ARHGAP24: variants seen among roughly 807,000 people sequenced by gnomAD.
ARHGAP24 encodes rho GTPase-activating protein 24.
ARHGAP24 carries 50 observed loss-of-function variants against 76.4 expected under a neutral mutation model. That is an observed-to-expected ratio of 0.65 (90% CI 0.52 to 0.83). The LOEUF is 0.83. Among genes scored for constraint, ARHGAP24 ranks in the 40% least tolerant of loss-of-function variants. The pLI is 0.00. For synonymous variants in ARHGAP24, 345 were observed against 323.3 expected (o/e 1.07, Z -0.72); for missense variants, 930 against 914.2 (o/e 1.02, Z -0.22).
intron 2 of ARHGAP24, among the ~76,000 whole-genome samples, chr4:85,612,670 T>A (rs953446985): frequency 5.3e-5 from 8 of 151,922 alleles, no homozygotes; most frequent in African/African-American, 1.9e-4. Context: ...AGGATACCCA[T>A]ATACCCACCA....
intron 2 of ARHGAP24, among the ~76,000 whole-genome samples, chr4:85,634,255 T>C (rs776352930): frequency 2.0e-5 from 3 of 151,926 alleles, no homozygotes; most frequent in Non-Finnish European, 4.4e-5. Context: ...TAATATTCCA[T>C]AGAATTCCTC....
At chr4:85,598,001 C>G (rs1310153624) in intron 2 of ARHGAP24, among the ~76,000 whole-genome samples, 1 of 152,034 alleles carries the variant, frequency 6.6e-6, no homozygotes, top group African/African-American at 2.4e-5. Flanking sequence ...TCAAATGCAC[C>G]TTTCATCCTT....
At chr4:85,720,337 A>G (rs935239472) in intron 2 of ARHGAP24, among the ~76,000 whole-genome samples, 4 of 152,202 alleles carry the variant, frequency 2.6e-5, no homozygotes, top group Admixed American at 6.5e-5. Context: ...GAAAAATTTC[A>G]GACAAGAGAT....
At chr4:85,704,165 T>A (rs1464365096) in intron 2 of ARHGAP24, among the ~76,000 whole-genome samples, 2 of 152,238 alleles carry the variant, frequency 1.3e-5, no homozygotes, top group Admixed American at 6.5e-5. Flanking sequence ...TATACAGTTT[T>A]TTTTTGTCCA....
At chr4:85,668,626 C>G (rs1445278402) in intron 2 of ARHGAP24, among the ~76,000 whole-genome samples, 1 of 152,170 alleles carries the variant, frequency 6.6e-6, no homozygotes, top group Non-Finnish European at 1.5e-5. Flanking sequence ...GAAGATGTGA[C>G]TGTCCTTGCA....
chr4:85,649,849 T>G (rs1013357770), intron 2 of ARHGAP24, among the ~76,000 whole-genome samples: 1 of 152,166 alleles, frequency 6.6e-6, no homozygotes, highest in African/African-American at 2.4e-5. Flanking sequence ...ATAATGATCT[T>G]GTATTTTTTG....
chr4:85,721,769 A>ATGCATCTT, intron 2 of ARHGAP24, 116 bp from the exon 3 acceptor site: 1 of 839,076 alleles, frequency 1.2e-6, no homozygotes, highest in Non-Finnish European at 2.0e-6. Context: ...AAAGATTCTG[A>ATGCATCTT]TGCATCTTAC....
At chr4:85,799,142 G>A (rs975171258) in intron 3 of ARHGAP24, among the ~76,000 whole-genome samples, 8 of 152,122 alleles carry the variant, frequency 5.3e-5, no homozygotes, top group African/African-American at 1.9e-4. Flanking sequence ...GAGAGAGGCT[G>A]CAAAGTGTGA....
intron 3 of ARHGAP24, among the ~76,000 whole-genome samples, chr4:85,836,870 A>C (rs75422524): frequency 0.01 from 1,548 of 152,300 alleles, 10 homozygotes; most frequent in Middle Eastern, 0.031. Flanking sequence ...CCTGCATCAG[A>C]ATCTGCATTT....
chr4:85,547,720 G>T (rs1725974220), intron 1 of ARHGAP24, among the ~76,000 whole-genome samples: 1 of 152,180 alleles, frequency 6.6e-6, no homozygotes, highest in Non-Finnish European at 1.5e-5. Flanking sequence ...ACAGGCTTGA[G>T]CCACTGTGCC....
chr4:85,518,068 A>G (rs775375610), intron 1 of ARHGAP24, among the ~76,000 whole-genome samples: 1 of 152,176 alleles, frequency 6.6e-6, no homozygotes, highest in Non-Finnish European at 1.5e-5. Context: ...CATTGAAGTT[A>G]GGACAAACAA....
At chr4:85,938,846 C>T (rs1318281765) in intron 4 of ARHGAP24, among the ~76,000 whole-genome samples, 4 of 151,206 alleles carry the variant, frequency 2.6e-5, no homozygotes, top group African/African-American at 7.3e-5. Flanking sequence ...TTTTTCTGAC[C>T]TCCCCCAATT....
At chr4:85,965,420 G>A (rs1560750999) in intron 5 of ARHGAP24, among the ~76,000 whole-genome samples, 3 of 152,110 alleles carry the variant, frequency 2.0e-5, no homozygotes, top group Admixed American at 6.5e-5. Flanking sequence ...TGGGGACACA[G>A]AGCCAAATCA....
chr4:85,854,627 G>A (rs949550129), intron 3 of ARHGAP24, among the ~76,000 whole-genome samples: 3 of 151,792 alleles, frequency 2.0e-5, no homozygotes, highest in Admixed American at 1.3e-4. Context: ...TTTTTCTTTA[G>A]CGTGGAAAGC....
At chr4:85,478,976 G>A (rs1722708118) in intron 1 of ARHGAP24, among the ~76,000 whole-genome samples, 2 of 152,192 alleles carry the variant, frequency 1.3e-5, no homozygotes, top group Admixed American at 6.5e-5. Flanking sequence ...GGTGGTGGGG[G>A]AGCCACCTGA....
At chr4:85,534,292 A>G (rs1725379982) in intron 1 of ARHGAP24, among the ~76,000 whole-genome samples, 1 of 96,452 alleles carries the variant, frequency 1.0e-5, no homozygotes, top group Admixed American at 9.9e-5. Flanking sequence ...TGTTCCTTTG[A>G]CACTTGATCC....
intron 3 of ARHGAP24, among the ~76,000 whole-genome samples, chr4:85,840,576 C>A (rs1560664203): frequency 1.3e-5 from 2 of 152,106 alleles, no homozygotes; most frequent in Non-Finnish European, 2.9e-5. Flanking sequence ...GCTGTGGATC[C>A]AGGGTTTTGC....
At chr4:85,655,792 T>TATATATATAGAG (rs1553920518) in intron 2 of ARHGAP24, among the ~76,000 whole-genome samples, 2 of 37,702 alleles carry the variant, frequency 5.3e-5, no homozygotes, top group Non-Finnish European at 8.2e-5. Flanking sequence ...TATATATATA[T>TATATATATAGAG]AGAGAGAGAG....
intron 1 of ARHGAP24, among the ~76,000 whole-genome samples, chr4:85,562,279 T>C (rs935369278): frequency 2.0e-5 from 3 of 152,194 alleles, no homozygotes; most frequent in Non-Finnish European, 4.4e-5. Flanking sequence ...AAGGCTATGA[T>C]AGTAATCAAG....
Sources: allele counts gnomAD v4.1 joint callset (sites outside exome capture counted in the v4.1 genomes callset), GRCh38; gene constraint gnomAD v4.1.1; transcripts MANE v1.5; gene names NCBI Gene and HGNC (gene_info 2026-07-23, HGNC 2026-07-21).